The following SDK1 variants were observed in gnomAD, a reference collection of about 807,000 sequenced individuals.
SDK1 encodes the protein sidekick cell adhesion molecule 1.
SDK1 carries 157 observed loss-of-function variants against 245.5 expected under a neutral mutation model. That is an observed-to-expected ratio of 0.64 (90% CI 0.56 to 0.73). The LOEUF is 0.73. SDK1 is among the 30% of genes least tolerant of loss of function. SDK1 has a pLI of 0.00. For missense variants in SDK1, 3,583 were observed against 3,002.3 expected, an observed-to-expected ratio of 1.19 and a Z score of -4.52; for synonymous variants, 1,647 against 1,278.5, an observed-to-expected ratio of 1.29 and a Z score of -6.15.
In SDK1 at chr7:3,912,082, G is replaced by C. The variant is rs577398343; in HGVS notation, c.848-38841G>C. Among the ~76,000 whole-genome samples, 62 of 152,298 alleles carry C rather than the reference G, an allele frequency of 4.1e-4. 1 individual carries two copies. Among genetic ancestry groups the C allele is most frequent in the South Asian group, 4.1e-4 (2 of 4,828 alleles). ...CAAAGGATCGGCCAAGGAAGTCTGG[G>C]AAACAAACCAAACTACAGAGGAGCT... On this transcript the variant is annotated intron_variant, in intron 5 of 44. Coordinates refer to ENST00000404826, the MANE Select transcript of SDK1 (RefSeq NM_152744.4).
At chr7:4,179,092 G>T (rs1782434456) in intron 35 of SDK1, 1 of 153,484 alleles carries the variant, frequency 6.5e-6, no homozygotes, top group African/African-American at 2.4e-5. Flanking sequence ...CCTTCTGTGG[G>T]GCTCACAGTG....
chr7:3,603,768 A>G (rs1349501325), intron 1 of SDK1, among the ~76,000 whole-genome samples: 1 of 152,142 alleles, frequency 6.6e-6, no homozygotes. Context: ...GCCCGTTTTT[A>G]AAGGGAATGC....
intron 2 of SDK1, among the ~76,000 whole-genome samples, chr7:3,627,472 T>G (rs372884653): frequency 6.6e-6 from 1 of 152,170 alleles, no homozygotes; most frequent in Non-Finnish European, 1.5e-5. Context: ...CAGATCCATA[T>G]CCAGAGGAGA....
chr7:3,792,690 TCCCA>T (rs1426166180), intron 4 of SDK1, among the ~76,000 whole-genome samples: 3 of 109,198 alleles, frequency 2.7e-5, no homozygotes, highest in African/African-American at 5.5e-5. Context: ...TCCTGCAGTC[TCCCA>T]TCCATCCATC....
At chr7:3,590,822 C>G (rs1358449805) in intron 1 of SDK1, among the ~76,000 whole-genome samples, 2 of 150,254 alleles carry the variant, frequency 1.3e-5, no homozygotes, top group Admixed American at 6.6e-5. Context: ...TTGCTCTGTC[C>G]CCCAGGCTGG....
chr7:3,757,927 G>A (rs537051113), intron 4 of SDK1, among the ~76,000 whole-genome samples: 12 of 152,268 alleles, frequency 7.9e-5, no homozygotes, highest in Middle Eastern at 3.4e-3. Flanking sequence ...CCTGCCAAGA[G>A]TTGCCTTGTT....
chr7:3,582,971 C>G (rs967223196), intron 1 of SDK1, among the ~76,000 whole-genome samples: 1 of 152,196 alleles, frequency 6.6e-6, no homozygotes, highest in African/African-American at 2.4e-5. Flanking sequence ...GATCATGCAT[C>G]TAGAACTCCG....
chr7:4,189,411 C>T (rs1382925306), intron 35 of SDK1, among the ~76,000 whole-genome samples: 7 of 152,206 alleles, frequency 4.6e-5, no homozygotes, highest in Admixed American at 2.0e-4. Flanking sequence ...CCCCAAAAAG[C>T]GAGCCAGGAC....
chr7:3,732,103 T>G (rs1428945432), intron 4 of SDK1, among the ~76,000 whole-genome samples: 3 of 152,202 alleles, frequency 2.0e-5, no homozygotes, highest in Non-Finnish European at 4.4e-5. Flanking sequence ...ATTTTATTTT[T>G]AAGATGGAAG....
At chr7:3,653,274 C>T (rs945676340) in intron 4 of SDK1, among the ~76,000 whole-genome samples, 1 of 152,200 alleles carries the variant, frequency 6.6e-6, no homozygotes, top group Non-Finnish European at 1.5e-5. Flanking sequence ...TGTGCTTTCC[C>T]CTTCCCTCCT....
intron 5 of SDK1, among the ~76,000 whole-genome samples, chr7:3,920,500 A>T (rs2128112747): frequency 6.6e-6 from 1 of 152,200 alleles, no homozygotes. Context: ...GAGTGACTAG[A>T]GGAGTGAGGG....
At chr7:3,627,126 A>G (rs1209319365) in intron 2 of SDK1, among the ~76,000 whole-genome samples, 4 of 151,950 alleles carry the variant, frequency 2.6e-5, no homozygotes, top group Non-Finnish European at 5.9e-5. Flanking sequence ...ACAGGGTTTC[A>G]CTATGTTGCC....
intron 17 of SDK1, among the ~76,000 whole-genome samples, chr7:4,036,872 C>T (rs1235396170): frequency 6.6e-6 from 1 of 152,178 alleles, no homozygotes; most frequent in Non-Finnish European, 1.5e-5. Flanking sequence ...TGTTTATGTG[C>T]TACACAGTCT....
chr7:3,537,630 G>T (rs1425250865), intron 1 of SDK1, among the ~76,000 whole-genome samples: 1 of 152,188 alleles, frequency 6.6e-6, no homozygotes, highest in Non-Finnish European at 1.5e-5. Context: ...TATTCATCAG[G>T]CAGCAGCTGT....
At chr7:3,661,085 G>A (rs1783340481) in intron 4 of SDK1, among the ~76,000 whole-genome samples, 1 of 152,154 alleles carries the variant, frequency 6.6e-6, no homozygotes, top group Non-Finnish European at 1.5e-5. Flanking sequence ...AAATCATTGA[G>A]AATCCGTTAT....
At chr7:4,245,949 A>G (rs1786826782) in intron 44 of SDK1, 144 bp downstream of exon 44, 2 of 1,010,266 alleles carry the variant, frequency 2.0e-6, no homozygotes, top group Non-Finnish European at 1.4e-6. Context: ...TTCATTATGC[A>G]GATGAGAAAA....
At chr7:3,895,502 C>T (rs1781580015) in intron 5 of SDK1, among the ~76,000 whole-genome samples, 1 of 152,170 alleles carries the variant, frequency 6.6e-6, no homozygotes, top group South Asian at 2.1e-4. Flanking sequence ...ATCCCTTCTT[C>T]TGGAACATGG....
At chr7:3,643,078 C>T (rs1782700532) in intron 4 of SDK1, 1 of 152,268 alleles carries the variant, frequency 6.6e-6, no homozygotes, top group Non-Finnish European at 1.5e-5. Context: ...TTCCCGAAGC[C>T]TTGTGATTCT....
intron 4 of SDK1, among the ~76,000 whole-genome samples, chr7:3,652,954 G>A (rs762485127): frequency 4.6e-5 from 7 of 152,210 alleles, no homozygotes; most frequent in Non-Finnish European, 7.3e-5. Flanking sequence ...TTGACTGGAA[G>A]AATAATTGCA....
Sources: allele counts gnomAD v4.1 joint callset (sites outside exome capture counted in the v4.1 genomes callset), GRCh38; gene constraint gnomAD v4.1.1; transcripts MANE v1.5; gene names NCBI Gene and HGNC (gene_info 2026-07-23, HGNC 2026-07-21).